TRIML2: variants seen among roughly 807,000 people sequenced by gnomAD.
TRIML2 encodes the protein tripartite motif family like 2.
Under a neutral mutation model 31.2 loss-of-function variants are expected in TRIML2, and 28 were observed. The ratio of observed to expected loss-of-function variants is 0.90; its 90% CI spans 0.66 to 1.23. The LOEUF (loss-of-function observed/expected upper bound fraction) is 1.23, where lower values mean the gene tolerates loss of function less well. Among genes scored for constraint, TRIML2 ranks in the 50% most tolerant of loss-of-function variants. The pLI, the probability that TRIML2 is intolerant of heterozygous loss-of-function variation, is 0.00. For synonymous variants in TRIML2, 187 were observed against 197.5 expected (o/e 0.95, Z 0.45); for missense variants, 536 against 528.3 (o/e 1.01, Z -0.14).
At chr4:188,098,119 C>CG (rs150419485) in intron 5 of TRIML2, 16,916 of 258,824 alleles carry the variant, frequency 0.065, 1,022 homozygotes, top group East Asian at 0.38. Context: ...GACTCCGTCT[C>CG]GGGGAAAAAA....
At chr4:188,098,015 A>G (rs1432044758) in intron 5 of TRIML2, among the ~76,000 whole-genome samples, 1 of 151,532 alleles carries the variant, frequency 6.6e-6, no homozygotes, top group Non-Finnish European at 1.5e-5. Flanking sequence ...CCAACTACTC[A>G]GGAGGCTGAG....
chr4:188,100,489 G>A (rs1166401030), intron 4 of TRIML2, among the ~76,000 whole-genome samples: 9 of 152,140 alleles, frequency 5.9e-5, no homozygotes, highest in Non-Finnish European at 1.3e-4. Flanking sequence ...TTGGGAGGCT[G>A]AGGCGGGTGG....
At chr4:188,108,554 A>G (rs898660198) in intron 1 of TRIML2, among the ~76,000 whole-genome samples, 1 of 152,224 alleles carries the variant, frequency 6.6e-6, no homozygotes, top group Non-Finnish European at 1.5e-5. Context: ...CTATGGCATT[A>G]GAGTAAGATC....
At chr4:188,108,425 A>T (rs28608658) in intron 1 of TRIML2, among the ~76,000 whole-genome samples, 3,586 of 152,140 alleles carry the variant, frequency 0.024, 124 homozygotes, top group African/African-American at 0.082. Context: ...CAATTCAACT[A>T]TTGTTTTCCA....
At chr4:188,103,636 T>A (rs547501796) in intron 3 of TRIML2, among the ~76,000 whole-genome samples, 1 of 152,166 alleles carries the variant, frequency 6.6e-6, no homozygotes, top group South Asian at 2.1e-4. Context: ...ATTTACAAGC[T>A]CACTCCATTG....
In TRIML2 at chr4:188,100,209, T is replaced by G. The variant is rs1429081584; in HGVS notation, c.480+847A>C. Among the ~76,000 whole-genome samples the G allele has an allele frequency of 2.0e-5, 3 of 152,174 alleles. No homozygotes were observed. The South Asian group carries it at 6.2e-4, about 32-fold the overall frequency. On this transcript the variant is annotated intron_variant, in intron 4 of 7. Transcript: ENST00000682553. ...TGCTATGAATGTTATAATTGTAACA[T>G]CTGCTACTCATCAACTGCTTAACAT...
chr4:188,100,930 G>A lies in TRIML2; in HGVS notation c.480+126C>T, dbSNP rs1055025155. The A allele has an allele frequency of 5.1e-6, 4 of 784,762 alleles. No individual in the cohort carries two copies. The African/African-American group carries it at 5.2e-5, about 10-fold the overall frequency. 48.6% of individuals were successfully genotyped at this position (784,762 alleles called of 1,614,324 possible). On this transcript the variant is annotated intron_variant, in intron 4 of 7. Coordinates refer to ENST00000682553, the MANE Select transcript of TRIML2 (RefSeq NM_173553.4). ...AAATTCATAGAAATGGAGTTGCCAG[G>A]TAGGTATATAATTCATTTAATACAT...
intron 2 of TRIML2, 84 bp from the exon 3 acceptor site, chr4:188,105,016 G>A (rs917423470): frequency 2.1e-6 from 3 of 1,413,656 alleles, no homozygotes; most frequent in African/African-American, 1.4e-5. Context: ...ACAACTCTGA[G>A]TATATATTTT....
intron 5 of TRIML2, chr4:188,098,068 G>A (rs932882692): frequency 1.2e-5 from 3 of 246,108 alleles, no homozygotes; most frequent in African/African-American, 2.3e-5. Context: ...GTTACAGTGA[G>A]CCGAAATTGC....
chr4:188,098,720 G>A (rs1437277171), intron 5 of TRIML2: 3 of 285,570 alleles, frequency 1.1e-5, no homozygotes, highest in African/African-American at 6.6e-5. Flanking sequence ...AGTGCCTATA[G>A]AGCTGTTTTA....
At position 188,103,622 on chromosome 4, in the gene TRIML2, C is replaced by T. The variant is rs534934791; in HGVS notation, c.285+1215G>A. On this transcript the variant is annotated intron_variant, in intron 3 of 7. Transcript: ENST00000682553. The stretch of plus-strand genomic sequence containing the variant: ...CTTCTGAATAACAAGGTTCTGATCA[C>T]TTTATTTACAAGCTCACTCCATTGC... Among the ~76,000 whole-genome samples, 200 of 152,280 alleles carry T rather than the reference C, an allele frequency of 1.3e-3. 1 individual carries two copies. The highest frequency in any genetic ancestry group is 1.1e-3 in the Non-Finnish European group (73 of 68,026).
intron 7 of TRIML2, among the ~76,000 whole-genome samples, chr4:188,096,626 A>G (rs922212594): frequency 1.4e-5 from 2 of 148,026 alleles, no homozygotes; most frequent in African/African-American, 5.0e-5. Context: ...TCTAATATGT[A>G]TAACATATTA....
chr4:188,104,123 A>G (rs1733922707), intron 3 of TRIML2, among the ~76,000 whole-genome samples: 1 of 152,204 alleles, frequency 6.6e-6, no homozygotes, highest in South Asian at 2.1e-4. Context: ...TGTGGCAACC[A>G]GAAGTACAAG....
chr4:188,098,688 A>G lies in TRIML2; in HGVS notation c.621+347T>C, dbSNP rs1317756577. ...CAGTCTGCATCTTTCTTTTTCACTT[A>G]ATGAGTGCTTGAAATACTGTTAGTG... is the stretch of plus-strand genomic sequence containing the variant. On this transcript the variant is annotated intron_variant, in intron 5 of 7. Coordinates refer to ENST00000682553, the MANE Select transcript of TRIML2 (RefSeq NM_173553.4). 6 of 219,478 alleles carry G rather than the reference A, an allele frequency of 2.7e-5. No individual in the cohort carries two copies. The East Asian group carries it at 7.0e-4, about 26-fold the overall frequency. 13.6% of individuals were successfully genotyped at this position (219,478 alleles called of 1,614,324 possible).
intron 1 of TRIML2, chr4:188,106,099 G>A (rs1301698693): frequency 6.6e-6 from 1 of 151,992 alleles, no homozygotes; most frequent in Non-Finnish European, 1.5e-5. Flanking sequence ...ACCCAGGCTG[G>A]AGTGCGGTGG....
chr4:188,108,049 C>T (rs1734113435), intron 1 of TRIML2, among the ~76,000 whole-genome samples: 1 of 152,162 alleles, frequency 6.6e-6, no homozygotes, highest in Non-Finnish European at 1.5e-5. Flanking sequence ...TAGCTGACCA[C>T]ACCCTTCTTC....
chr4:188,105,875 G>A (rs966860042), intron 1 of TRIML2: 1 of 153,248 alleles, frequency 6.5e-6, no homozygotes, highest in African/African-American at 2.4e-5. Flanking sequence ...TGAGAGACAG[G>A]GTCTTGCTCT....
intron 1 of TRIML2, among the ~76,000 whole-genome samples, chr4:188,107,625 G>A (rs1734095436): frequency 6.6e-6 from 1 of 152,106 alleles, no homozygotes; most frequent in Admixed American, 6.5e-5. Flanking sequence ...CCACTGGCTG[G>A]GTGAGAAATA....
Position 188,101,091 on chromosome 4 carries a change from T to G in TRIML2, c.445A>C (p.Thr149Pro). Residue 149 changes from threonine to proline, a missense_variant, in exon 4 of 8, where the codon ACC becomes CCC. Transcript: ENST00000682553. ...TCCTGGAACATCTCCTCTAGCTCGG[T>G]GGCAAGCTTGATCGCTTGATTCAGA... ...TLLNQAIKLATELEEMFQEML... is the reference protein window; with the variant it reads ...TLLNQAIKLAPELEEMFQEML... 1 of 1,613,704 alleles carries G rather than the reference T, an allele frequency of 6.2e-7. No homozygotes were observed. Among genetic ancestry groups the G allele is most frequent in the Non-Finnish European group, 8.5e-7 (1 of 1,179,822 alleles).
Sources: allele counts gnomAD v4.1 joint callset (sites outside exome capture counted in the v4.1 genomes callset), GRCh38; gene constraint gnomAD v4.1.1; transcripts MANE v1.5; gene names NCBI Gene and HGNC (gene_info 2026-07-23, HGNC 2026-07-21).